Variants in MAGI2 observed in about 807,000 individuals in gnomAD.
MAGI2 encodes the protein membrane-associated guanylate kinase, WW and PDZ domain-containing protein 2.
MAGI2 carries 35 observed loss-of-function variants against 133.3 expected under a neutral mutation model. The observed-to-expected ratio is 0.26, with a 90% CI of 0.20 to 0.35. The LOEUF (loss-of-function observed/expected upper bound fraction) is 0.35. Among genes scored for constraint, MAGI2 ranks in the 10% least tolerant of loss-of-function variants. The pLI, the probability that MAGI2 is intolerant of heterozygous loss-of-function variation, is 1.00. For synonymous variants in MAGI2, 729 were observed against 710.6 expected (o/e 1.03, Z -0.41); for missense variants, 1,636 against 1,863.4 (o/e 0.88, Z 2.25).
intron 2 of MAGI2, among the ~76,000 whole-genome samples, chr7:78,935,319 ATTCTT>A (rs1303219830): frequency 6.6e-6 from 1 of 152,158 alleles, no homozygotes; most frequent in Non-Finnish European, 1.5e-5. Context: ...AAAATTTATG[ATTCTT>A]TTCTTCCTTC....
intron 9 of MAGI2, among the ~76,000 whole-genome samples, chr7:78,277,565 G>A (rs1795171731): frequency 6.6e-6 from 1 of 152,162 alleles, no homozygotes; most frequent in South Asian, 2.1e-4. Flanking sequence ...CAAGAGAGTG[G>A]ATTCTGAGGT....
At chr7:78,308,933 C>CGTAGTGT (rs1261006156) in intron 9 of MAGI2, among the ~76,000 whole-genome samples, 1 of 152,110 alleles carries the variant, frequency 6.6e-6, no homozygotes, top group Non-Finnish European at 1.5e-5. Flanking sequence ...TATTACTATA[C>CGTAGTGT]AATTTTTCAA....
chr7:78,130,946 T>G (rs1378051143), intron 18 of MAGI2, among the ~76,000 whole-genome samples: 1 of 152,200 alleles, frequency 6.6e-6, no homozygotes, highest in Non-Finnish European at 1.5e-5. Flanking sequence ...CCAGCTGTTG[T>G]TCTCCCCTCA....
chr7:79,227,134 A>G (rs1830929090), intron 1 of MAGI2, among the ~76,000 whole-genome samples: 1 of 152,194 alleles, frequency 6.6e-6, no homozygotes, highest in African/African-American at 2.4e-5. Context: ...AACCACTGGC[A>G]ATAAATAGTA....
At chr7:78,924,426 G>A (rs1388780642) in intron 2 of MAGI2, among the ~76,000 whole-genome samples, 2 of 151,166 alleles carry the variant, frequency 1.3e-5, no homozygotes, top group African/African-American at 2.4e-5. Context: ...TTTTGTCAAA[G>A]GCCTTTTCTG....
chr7:78,751,446 A>C (rs923304688), intron 2 of MAGI2, among the ~76,000 whole-genome samples: 11 of 152,324 alleles, frequency 7.2e-5, no homozygotes, highest in Admixed American at 7.2e-4. Context: ...AAGTCCAGCA[A>C]ACCTCACACG....
intron 1 of MAGI2, among the ~76,000 whole-genome samples, chr7:79,199,486 T>C (rs745963547): frequency 6.6e-6 from 1 of 152,016 alleles, no homozygotes; most frequent in African/African-American, 2.4e-5. Context: ...ACAGAGAGAT[T>C]ATGCAACTTT....
intron 2 of MAGI2, among the ~76,000 whole-genome samples, chr7:78,792,194 C>G (rs886818723): frequency 3.9e-5 from 6 of 152,142 alleles, no homozygotes; most frequent in Non-Finnish European, 8.8e-5. Flanking sequence ...GGCTGTGTAA[C>G]TTTCAGTGAT....
At chr7:78,263,221 G>T (rs1219213090) in intron 9 of MAGI2, among the ~76,000 whole-genome samples, 1 of 152,092 alleles carries the variant, frequency 6.6e-6, no homozygotes, top group Admixed American at 6.6e-5. Context: ...ATCCACCATT[G>T]GTAGGCACCT....
At chr7:79,278,905 T>C (rs978464326) in intron 1 of MAGI2, among the ~76,000 whole-genome samples, 12 of 152,232 alleles carry the variant, frequency 7.9e-5, no homozygotes, top group African/African-American at 2.9e-4. Context: ...AGACATACTC[T>C]GAGGCAGGAA....
At chr7:79,325,187 C>G (rs1320583384) in intron 1 of MAGI2, among the ~76,000 whole-genome samples, 1 of 152,066 alleles carries the variant, frequency 6.6e-6, no homozygotes, top group Non-Finnish European at 1.5e-5. Context: ...CATCCTTGAC[C>G]ATCCTTTCTA....
At chr7:78,351,293 G>T (rs1327929889) in intron 7 of MAGI2, among the ~76,000 whole-genome samples, 1 of 152,058 alleles carries the variant, frequency 6.6e-6, no homozygotes, top group East Asian at 1.9e-4. Context: ...GATTGCCTGA[G>T]CATAGGAGTT....
intron 4 of MAGI2, among the ~76,000 whole-genome samples, chr7:78,512,344 C>G (rs1795675063): frequency 6.6e-6 from 1 of 152,044 alleles, no homozygotes; most frequent in Non-Finnish European, 1.5e-5. Flanking sequence ...GGGATGATAC[C>G]TCAATCCAGG....
intron 2 of MAGI2, among the ~76,000 whole-genome samples, chr7:78,702,759 T>G (rs1209313564): frequency 6.6e-6 from 1 of 151,992 alleles, no homozygotes; most frequent in Admixed American, 6.6e-5. Context: ...ATTTATTGGA[T>G]GACTAGGTAG....
chr7:78,652,544 T>C (rs910080802), intron 2 of MAGI2, among the ~76,000 whole-genome samples: 2 of 152,146 alleles, frequency 1.3e-5, no homozygotes, highest in African/African-American at 4.8e-5. Context: ...ATTTAATAAA[T>C]GGTGTAGGGA....
intron 12 of MAGI2, among the ~76,000 whole-genome samples, chr7:78,191,396 A>T (rs987003757): frequency 2.6e-5 from 4 of 152,086 alleles, no homozygotes; most frequent in African/African-American, 7.2e-5. Context: ...TAAAATATTG[A>T]TATTATTTGC....
chr7:79,089,402 C>G (rs960301024), intron 1 of MAGI2, among the ~76,000 whole-genome samples: 8 of 152,032 alleles, frequency 5.3e-5, no homozygotes, highest in Non-Finnish European at 1.2e-4. Flanking sequence ...GTGGTGATTC[C>G]TCAAGGATCT....
intron 21 of MAGI2, among the ~76,000 whole-genome samples, chr7:78,063,417 T>C (rs1219279459): frequency 2.0e-5 from 3 of 152,144 alleles, no homozygotes; most frequent in African/African-American, 7.2e-5. Context: ...AATTGTTTAT[T>C]TTTTTGTATA....
At chr7:78,546,627 T>C (rs916428351) in intron 3 of MAGI2, among the ~76,000 whole-genome samples, 1 of 152,112 alleles carries the variant, frequency 6.6e-6, no homozygotes, top group Admixed American at 6.6e-5. Flanking sequence ...GTCCTCTCCC[T>C]TAGTAGAAAG....
Sources: allele counts gnomAD v4.1 joint callset (sites outside exome capture counted in the v4.1 genomes callset), GRCh38; gene constraint gnomAD v4.1.1; transcripts MANE v1.5; gene names NCBI Gene and HGNC (gene_info 2026-07-23, HGNC 2026-07-21).